CELF2: variants seen among roughly 807,000 people sequenced by gnomAD.
CELF2 encodes CUGBP Elav-like family member 2.
A neutral mutation model predicts 62.6 loss-of-function variants in CELF2; 8 were observed. That is an observed-to-expected ratio of 0.13 (90% CI 0.07 to 0.23). CELF2 has a LOEUF of 0.23. Among genes scored for constraint, CELF2 ranks in the 10% least tolerant of loss-of-function variants. The pLI is 1.00. For missense variants in CELF2, 333 were observed against 671.0 expected, an observed-to-expected ratio of 0.50 and a Z score of 5.56; for synonymous variants, 258 against 250.0, an observed-to-expected ratio of 1.03 and a Z score of -0.30.
chr10:11,065,887 T>C (rs888533777), intron 1 of CELF2, among the ~76,000 whole-genome samples: 1 of 152,112 alleles, frequency 6.6e-6, no homozygotes, highest in African/African-American at 2.4e-5. Context: ...GGGTAGGCTT[T>C]CTCCGGAAGG....
intron 1 of CELF2, among the ~76,000 whole-genome samples, chr10:10,846,738 C>G (rs931782659): frequency 1.3e-5 from 2 of 152,202 alleles, no homozygotes; most frequent in East Asian, 3.8e-4. Context: ...GCTATGCCTG[C>G]AAGCAGAGTG....
At chr10:10,978,533 A>G (rs1041940197) in intron 2 of CELF2, among the ~76,000 whole-genome samples, 7 of 152,206 alleles carry the variant, frequency 4.6e-5, no homozygotes. Flanking sequence ...CATCAAGGTG[A>G]TAGGAGATTG....
At chr10:10,695,412 C>T in the CELF2 span, among the ~76,000 whole-genome samples, 4 of 148,310 alleles carry the variant, frequency 2.7e-5, no homozygotes, top group Non-Finnish European at 4.5e-5. Context: ...GAGGGTAACC[C>T]GACCTTTCTC....
rs367546493 is a variant in CELF2 at position 11,297,597 on chromosome 10, G to T, written c.976+9045G>T. On this transcript the variant is annotated intron_variant, in intron 9 of 12. Coordinates refer to ENST00000633077, the MANE Select transcript of CELF2 (RefSeq NM_001326342.2). This position sits in a 1 kb window ranked among gnomAD's most constrained non-coding sequence, Gnocchi z 4.4. ...TTCTCCCCAGACTGGCTGCTTCACT[G>T]CAGTGGTTGACAGTTTTGCAGGCAG... Among the ~76,000 whole-genome samples the T allele has an allele frequency of 1.8e-4, 28 of 152,284 alleles. No homozygotes were observed. The East Asian group carries it at 3.7e-3, about 20-fold the overall frequency.
At chr10:11,282,627 T>C (rs1340867520) in intron 8 of CELF2, among the ~76,000 whole-genome samples, 1 of 152,242 alleles carries the variant, frequency 6.6e-6, no homozygotes, top group African/African-American at 2.4e-5. Context: ...GTTTGAGCTT[T>C]CTATGTGTTG....
At chr10:10,573,139 G>T in the CELF2 span, among the ~76,000 whole-genome samples, 1 of 152,156 alleles carries the variant, frequency 6.6e-6, no homozygotes, top group East Asian at 1.9e-4. Flanking sequence ...TTTGTTGGCT[G>T]CATGAATGTC....
At chr10:10,717,443 T>C in the CELF2 span, among the ~76,000 whole-genome samples, 1 of 152,202 alleles carries the variant, frequency 6.6e-6, no homozygotes, top group Admixed American at 6.5e-5. Context: ...AATGTCTTTT[T>C]AAACTAATTT....
the CELF2 span, among the ~76,000 whole-genome samples, chr10:10,568,690 T>C: frequency 1.3e-5 from 2 of 152,170 alleles, no homozygotes; most frequent in African/African-American, 4.8e-5. Flanking sequence ...GATGTAATGA[T>C]AGAGAAAGAA....
the CELF2 span, among the ~76,000 whole-genome samples, chr10:10,499,680 C>G: frequency 6.6e-6 from 1 of 152,144 alleles, no homozygotes; most frequent in Non-Finnish European, 1.5e-5. Flanking sequence ...GAGTTCGAGA[C>G]CAGCCTGGTC....
chr10:10,844,321 C>T lies in CELF2; in HGVS notation c.53+45504C>T, dbSNP rs1397271329. ...ACAAGGGGAAACCAATCTCTACCCC[C>T]ATGTGAGCCAGAGTGTTGAGTCTGA... On this transcript the variant is annotated intron_variant, in intron 1 of 13. Transcript: ENST00000636488. Among the ~76,000 whole-genome samples the T allele has an allele frequency of 2.0e-5, 3 of 152,136 alleles. No homozygotes were observed. In the East Asian group the frequency reaches 5.8e-4, roughly 29 times the overall value.
At chr10:10,808,506 A>AT (rs573273316) in intron 1 of CELF2, among the ~76,000 whole-genome samples, 80 of 152,254 alleles carry the variant, frequency 5.3e-4, no homozygotes, top group African/African-American at 1.8e-3. Flanking sequence ...TTTGGGTTTG[A>AT]TTTTAGGAAG....
At chr10:10,831,742 T>C (rs7908841) in intron 1 of CELF2, among the ~76,000 whole-genome samples, 83,715 of 152,048 alleles carry the variant, frequency 0.55, 23,645 homozygotes, top group East Asian at 0.76. Context: ...GAGGCCAAGA[T>C]GGCTGGATCA....
chr10:11,216,763 C>T (rs2063468023), intron 2 of CELF2, among the ~76,000 whole-genome samples: 2 of 152,310 alleles, frequency 1.3e-5, no homozygotes, highest in Admixed American at 1.3e-4. Context: ...AGTTAGTATG[C>T]CACAGCCATA....
At chr10:10,788,045 G>A in the CELF2 span, among the ~76,000 whole-genome samples, 1 of 152,104 alleles carries the variant, frequency 6.6e-6, no homozygotes, top group African/African-American at 2.4e-5. Flanking sequence ...AGAAATACTT[G>A]AGGACATTAG....
At chr10:10,710,174 A>G in the CELF2 span, among the ~76,000 whole-genome samples, 30 of 152,356 alleles carry the variant, frequency 2.0e-4, no homozygotes, top group African/African-American at 6.0e-4. Context: ...TTAAATACCA[A>G]ACAAAACCCA....
intron 8 of CELF2, among the ~76,000 whole-genome samples, chr10:11,276,949 G>A (rs28455777): frequency 6.6e-6 from 1 of 152,232 alleles, no homozygotes; most frequent in Admixed American, 6.5e-5. Flanking sequence ...TGTGCTCTGA[G>A]CCTCCCAAAT....
intron 1 of CELF2, among the ~76,000 whole-genome samples, chr10:10,804,102 A>T (rs2054952847): frequency 6.6e-6 from 1 of 152,240 alleles, no homozygotes; most frequent in Non-Finnish European, 1.5e-5. Flanking sequence ...TGAGAATCTG[A>T]TCTATATGTA....
chr10:11,205,391 G>A (rs1027954056), intron 2 of CELF2, among the ~76,000 whole-genome samples: 2 of 152,228 alleles, frequency 1.3e-5, no homozygotes, highest in Non-Finnish European at 2.9e-5. Context: ...AGGGCTCAGC[G>A]CTCTATGGAG....
chr10:10,903,049 A>G (rs1020103253), intron 1 of CELF2, among the ~76,000 whole-genome samples: 2 of 152,186 alleles, frequency 1.3e-5, no homozygotes, highest in African/African-American at 2.4e-5. Context: ...TTCAGCTATC[A>G]GAGAACTCGT....
Sources: gnomAD v4.1 joint callset for allele counts (sites outside exome capture counted in the v4.1 genomes callset) on GRCh38, gnomAD v4.1.1 for gene constraint, Gnocchi (gnomAD v3.1) non-coding constraint, MANE v1.5 for transcripts, NCBI Gene and HGNC (gene_info 2026-07-23, HGNC 2026-07-21) for gene names.